The following CNTN4 variants were observed in gnomAD, a reference collection of about 807,000 sequenced individuals.
CNTN4 encodes the protein contactin-4.
A neutral mutation model predicts 122.5 loss-of-function variants in CNTN4; 77 were observed. The observed-to-expected ratio is 0.63, with a 90% CI of 0.52 to 0.76. The LOEUF (loss-of-function observed/expected upper bound fraction) is 0.76, where lower values mean the gene tolerates loss of function less well. Ranked by LOEUF, CNTN4 falls within the 30% of genes least tolerant of loss-of-function variation. The probability of loss-of-function intolerance (pLI) is 0.00; values close to 1 mark genes in which losing one functional copy is unlikely to be tolerated. For synonymous variants in CNTN4, 512 were observed against 447.0 expected, an observed-to-expected ratio of 1.15 and a Z score of -1.83; for missense variants, 1,256 against 1,259.1, an observed-to-expected ratio of 1.00 and a Z score of 0.04.
At chr3:2,907,300 T>A (rs2151189297) in intron 12 of CNTN4, among the ~76,000 whole-genome samples, 1 of 152,254 alleles carries the variant, frequency 6.6e-6, no homozygotes, top group African/African-American at 2.4e-5. Context: ...TGGCCGGGTG[T>A]AGTGGCTCAC....
At chr3:2,118,139 A>G (rs563751472) in intron 2 of CNTN4, among the ~76,000 whole-genome samples, 5 of 152,338 alleles carry the variant, frequency 3.3e-5, no homozygotes, top group East Asian at 1.9e-4. Flanking sequence ...TCTCATTTAA[A>G]CCTATAATAG....
At chr3:2,689,935 T>C (rs1040620997) in intron 4 of CNTN4, among the ~76,000 whole-genome samples, 1 of 152,128 alleles carries the variant, frequency 6.6e-6, no homozygotes, top group Non-Finnish European at 1.5e-5. Flanking sequence ...TGTGTTTGTG[T>C]CTGTGTGTAT....
chr3:2,273,109 G>A (rs540764541), intron 2 of CNTN4, among the ~76,000 whole-genome samples: 309 of 152,226 alleles, frequency 2.0e-3, no homozygotes, highest in Non-Finnish European at 3.5e-3. Flanking sequence ...TACAAGTCAG[G>A]TGGTGACCAG....
intron 4 of CNTN4, among the ~76,000 whole-genome samples, chr3:2,649,166 A>G (rs1443354578): frequency 2.6e-5 from 4 of 152,202 alleles, no homozygotes; most frequent in African/African-American, 7.2e-5. Flanking sequence ...AAATGCTGAT[A>G]TAGAAACTGC....
chr3:2,863,921 C>CA (rs1290512256), intron 7 of CNTN4, among the ~76,000 whole-genome samples: 2 of 152,094 alleles, frequency 1.3e-5, no homozygotes, highest in Non-Finnish European at 1.5e-5. Context: ...CATCAAAGAC[C>CA]ACTGTTTAGG....
chr3:2,465,834 G>A (rs1161224726), intron 3 of CNTN4, among the ~76,000 whole-genome samples: 2 of 152,190 alleles, frequency 1.3e-5, no homozygotes, highest in Non-Finnish European at 2.9e-5. Context: ...TTTCTGACAT[G>A]AGGTGCTATA....
chr3:2,653,565 T>C (rs1476543519), intron 4 of CNTN4, among the ~76,000 whole-genome samples: 1 of 152,152 alleles, frequency 6.6e-6, no homozygotes, highest in African/African-American at 2.4e-5. Flanking sequence ...CAACTAAAGA[T>C]TGGTCTTTTC....
At chr3:2,626,289 C>A (rs773974409) in intron 4 of CNTN4, among the ~76,000 whole-genome samples, 4 of 151,938 alleles carry the variant, frequency 2.6e-5, no homozygotes, top group African/African-American at 9.7e-5. Flanking sequence ...GTCAGGAGAT[C>A]GAGACCATCC....
intron 3 of CNTN4, among the ~76,000 whole-genome samples, chr3:2,344,077 C>T (rs532109073): frequency 6.6e-6 from 1 of 152,224 alleles, no homozygotes; most frequent in East Asian, 1.9e-4. Context: ...CATGAACAGT[C>T]TTCCCCCCAT....
At chr3:2,908,703 G>T (rs1277621541) in intron 12 of CNTN4, among the ~76,000 whole-genome samples, 3 of 152,278 alleles carry the variant, frequency 2.0e-5, no homozygotes, top group Middle Eastern at 3.4e-3. Context: ...CTTTGATTTT[G>T]CTTATATATG....
intron 7 of CNTN4, among the ~76,000 whole-genome samples, chr3:2,848,868 C>G (rs977746475): frequency 6.6e-6 from 1 of 152,088 alleles, no homozygotes; most frequent in Non-Finnish European, 1.5e-5. Context: ...ATTGGGCAGC[C>G]AGACGACATA....
intron 7 of CNTN4, among the ~76,000 whole-genome samples, chr3:2,826,980 C>T (rs1294048781): frequency 3.3e-5 from 5 of 152,146 alleles, no homozygotes; most frequent in African/African-American, 9.7e-5. Flanking sequence ...CGCATGAAAT[C>T]CCATTTTAAC....
intron 4 of CNTN4, among the ~76,000 whole-genome samples, chr3:2,668,019 G>A (rs1190053273): frequency 6.6e-6 from 1 of 152,106 alleles, no homozygotes; most frequent in Non-Finnish European, 1.5e-5. Flanking sequence ...TTGAAGTCAG[G>A]TAACATGATG....
Position 2,385,688 on chromosome 3 carries a change from C to G in CNTN4, c.-89+46455C>G, listed in dbSNP as rs987089434. Among the ~76,000 whole-genome samples, 10 of 152,092 alleles carry G rather than the reference C, an allele frequency of 6.6e-5. No individual in the cohort carries two copies. The highest frequency in any genetic ancestry group is 2.4e-4 in the African/African-American group (10 of 41,442). On this transcript the variant is annotated intron_variant, in intron 3 of 24. Coordinates refer to ENST00000418658, the MANE Select transcript of CNTN4 (RefSeq NM_175607.3). The surrounding 1 kb of genome is among the most constrained non-coding windows in gnomAD (Gnocchi z 4.0). Reference sequence around the variant, plus strand: ...ATCTCTCATCCTCCATCTTCACATGCTGCATTCCCTGTATGCCTGTGTGTT... The same window carrying G: ...ATCTCTCATCCTCCATCTTCACATGGTGCATTCCCTGTATGCCTGTGTGTT...
chr3:2,276,063 T>A (rs2041497716), intron 2 of CNTN4, among the ~76,000 whole-genome samples: 1 of 152,136 alleles, frequency 6.6e-6, no homozygotes, highest in Non-Finnish European at 1.5e-5. Context: ...CTATAAACTT[T>A]TATATATTGA....
chr3:2,278,282 A>G (rs2041593113), intron 2 of CNTN4, among the ~76,000 whole-genome samples: 1 of 152,202 alleles, frequency 6.6e-6, no homozygotes, highest in African/African-American at 2.4e-5. Flanking sequence ...AAATCAACAG[A>G]GTTATTTTCA....
At chr3:2,729,378 C>CT (rs2088488741) in intron 4 of CNTN4, among the ~76,000 whole-genome samples, 1 of 150,288 alleles carries the variant, frequency 6.7e-6, no homozygotes, top group African/African-American at 2.5e-5. Flanking sequence ...TCCCGGCTAA[C>CT]ACAAAATTAA....
rs1034541123 is a variant in CNTN4, at chr3:2,385,210, TCTA to T, written c.-89+45983_-89+45985del. ...CCAAACTCTTTTTAAAAATAATCTG[TCTA>T]CTACTCAACTTTCTACTCAGTTTTT... On this transcript the variant is annotated intron_variant, in intron 3 of 24. Coordinates refer to ENST00000418658, the MANE Select transcript of CNTN4 (RefSeq NM_175607.3). This position sits in a 1 kb window ranked among gnomAD's most constrained non-coding sequence, Gnocchi z 4.0. 2.9e-4 allele frequency among the ~76,000 whole-genome samples: 44 copies of T among 152,200 alleles called. No individual in the cohort carries two copies. Among genetic ancestry groups the T allele is most frequent in the African/African-American group, 9.9e-4 (41 of 41,458 alleles).
At chr3:2,934,699 A>C (rs6442769) in intron 13 of CNTN4, among the ~76,000 whole-genome samples, 104,727 of 152,172 alleles carry the variant, frequency 0.69, 36,277 homozygotes, top group Middle Eastern at 0.78. Context: ...CAGAGCTATA[A>C]AGCTCTGTTA....
Sources: gnomAD v4.1 joint callset for allele counts (sites outside exome capture counted in the v4.1 genomes callset) on GRCh38, gnomAD v4.1.1 for gene constraint, Gnocchi (gnomAD v3.1) non-coding constraint, MANE v1.5 for transcripts, NCBI Gene and HGNC (gene_info 2026-07-23, HGNC 2026-07-21) for gene names.